Variants in KCNAB2 observed in about 807,000 individuals in gnomAD.
The protein encoded by KCNAB2 is potassium voltage-gated channel subfamily A regulatory beta subunit 2, also known as voltage-gated potassium channel subunit beta-2.
Under a neutral mutation model 63.6 loss-of-function variants are expected in KCNAB2, and 29 were observed. That is an observed-to-expected ratio of 0.46 (90% CI 0.34 to 0.62). The LOEUF is 0.62. Among genes scored for constraint, KCNAB2 ranks in the 20% least tolerant of loss-of-function variants. KCNAB2 has a pLI of 0.01. For missense variants in KCNAB2, 359 were observed against 563.9 expected (o/e 0.64, Z 3.68); for synonymous variants, 222 against 224.2 (o/e 0.99, Z 0.09).
rs920344267 is a variant in KCNAB2 at position 6,087,585 on chromosome 1, A to C, written c.470+74A>C. 1.3e-6 allele frequency: 2 copies of C among 1,507,228 alleles called. No homozygotes were observed. Among genetic ancestry groups the C allele is most frequent in the Admixed American group, 3.4e-5 (2 of 59,692 alleles). The allele number at this position is 1,507,228 out of a possible 1,614,324, so 93.4% of individuals were successfully genotyped here. ...GCCCCGTGCTCCCCAGAGACCCCTG[A>C]CCTAGAAGGCTCCTGGGGTGGCGGG... On this transcript the variant is annotated intron_variant, in intron 7 of 15. Transcript: ENST00000378083. The surrounding 1 kb of genome is among the most constrained non-coding windows in gnomAD (Gnocchi z 6.4).
rs1313330316 is a variant in KCNAB2 at position 6,074,632 on chromosome 1, C to T, written c.300+862C>T. 2.6e-5 allele frequency among the ~76,000 whole-genome samples: 4 copies of T among 152,198 alleles called. No homozygotes were observed. Among genetic ancestry groups the T allele is most frequent in the African/African-American group, 7.2e-5 (3 of 41,444 alleles). ...CTTTGCTTCTATCAAAATTTAAATG[C>T]GTACAGTTTGTGTTTGAGGTCACTT... is the stretch of plus-strand genomic sequence containing the variant. On this transcript the variant is annotated intron_variant, in intron 4 of 15. Transcript: ENST00000378083. The surrounding 1 kb of genome is among the most constrained non-coding windows in gnomAD (Gnocchi z 4.9).
chr1:6,096,850 T>C lies in KCNAB2; in HGVS notation c.1069+94T>C. On this transcript the variant is annotated intron_variant, in intron 14 of 15. Coordinates refer to ENST00000378083, the MANE Select transcript of KCNAB2 (RefSeq NM_001199862.2). This position sits in a 1 kb window ranked among gnomAD's most constrained non-coding sequence, Gnocchi z 5.9. ...GGGTGGGGTTGCCATGGGGCCAGTG[T>C]CTCCGGGGAGAGAGGGAAGGGATCC... is the stretch of plus-strand genomic sequence containing the variant. 1 of 1,411,034 alleles carries C rather than the reference T, an allele frequency of 7.1e-7. No homozygotes were observed. The highest frequency in any genetic ancestry group is 1.5e-5 in the South Asian group (1 of 68,958). 87.4% of individuals were successfully genotyped at this position (1,411,034 alleles called of 1,614,324 possible). A position where few individuals can be genotyped will look rare whatever the true frequency, so the allele number is the denominator to read the frequency against.
Position 6,097,268 on chromosome 1 carries a change from G to A in KCNAB2, c.1070-1G>A. The A allele has an allele frequency of 6.5e-7, 1 of 1,544,082 alleles. No individual in the cohort carries two copies. Among genetic ancestry groups the A allele is most frequent in the Non-Finnish European group, 8.8e-7 (1 of 1,142,150 alleles). On this transcript the variant is annotated splice_acceptor_variant, in intron 14 of 15. Coordinates refer to ENST00000378083, the MANE Select transcript of KCNAB2 (RefSeq NM_001199862.2). LOFTEE classifies it high-confidence loss of function. ...CCTCACCTTGGGTCTCGCCGCCACAGCCTGGTGCCTGAGGAATGAGGGAGT... is the reference window on the plus strand; with the variant it reads ...CCTCACCTTGGGTCTCGCCGCCACAACCTGGTGCCTGAGGAATGAGGGAGT...
At chr1:6,058,648 T>C (rs934027856) in intron 2 of KCNAB2, among the ~76,000 whole-genome samples, 6 of 152,228 alleles carry the variant, frequency 3.9e-5, no homozygotes, top group Admixed American at 3.9e-4. Flanking sequence ...CTGTCCCCTG[T>C]CTATCCATCT....
intron 1 of KCNAB2, among the ~76,000 whole-genome samples, chr1:6,047,052 G>A (rs1036697365): frequency 1.3e-5 from 2 of 152,230 alleles, no homozygotes; most frequent in Non-Finnish European, 2.9e-5. Context: ...AGAACTTGTG[G>A]GTTCCACGTA....
In KCNAB2 at chr1:6,096,337, A is replaced by C. The variant is rs973599261; in HGVS notation, c.949-299A>C. The C allele has an allele frequency of 1.3e-5, 6 of 465,222 alleles. No homozygotes were observed. The highest frequency in any genetic ancestry group is 1.2e-4 in the African/African-American group (6 of 50,442). The allele number at this position is 465,222 out of a possible 1,614,324, so 28.8% of individuals were successfully genotyped here. ...AGACCCCAGGCTGCCAAGTTTCCTAAGAGAAGGAAGGCCAGCACCTCGCCT... is the reference window on the plus strand; with the variant it reads ...AGACCCCAGGCTGCCAAGTTTCCTACGAGAAGGAAGGCCAGCACCTCGCCT... On this transcript the variant is annotated intron_variant, in intron 13 of 15. Transcript: ENST00000378083. The surrounding 1 kb of genome is among the most constrained non-coding windows in gnomAD (Gnocchi z 5.9).
chr1:6,066,975 C>T (rs1477412650), intron 2 of KCNAB2, among the ~76,000 whole-genome samples: 1 of 152,244 alleles, frequency 6.6e-6, no homozygotes, highest in Non-Finnish European at 1.5e-5. Context: ...CCACTCATGT[C>T]AGGAGCAGGG....
chr1:6,097,237 T>C (rs749435), intron 14 of KCNAB2, 32 bp from the exon 15 acceptor site: 158,217 of 1,515,118 alleles, frequency 0.1, 8,795 homozygotes, highest in East Asian at 0.18. Flanking sequence ...GTGGTGGGTG[T>C]TTCTCCCTCA....
At chr1:5,999,975 C>T (rs1657150781) in intron 1 of KCNAB2, among the ~76,000 whole-genome samples, 1 of 151,066 alleles carries the variant, frequency 6.6e-6, no homozygotes, top group Admixed American at 6.6e-5. Context: ...CTGCCTGCAC[C>T]CCATCCATAT....
At chr1:6,009,049 C>T (rs1657992084) in intron 1 of KCNAB2, among the ~76,000 whole-genome samples, 1 of 152,220 alleles carries the variant, frequency 6.6e-6, no homozygotes, top group Non-Finnish European at 1.5e-5. Context: ...ACAGTCCAAC[C>T]CTTCTCCCCC....
chr1:6,060,156 CCTCTG>C (rs1162315185), intron 2 of KCNAB2, among the ~76,000 whole-genome samples: 2 of 152,220 alleles, frequency 1.3e-5, no homozygotes, highest in African/African-American at 4.8e-5. Context: ...TGCCCTCCTG[CCTCTG>C]CTCTCAGGAG....
At chr1:6,042,315 C>T (rs1338110981), upstream of KCNAB2, among the ~76,000 whole-genome samples, 1 of 152,190 alleles carries the variant, frequency 6.6e-6, no homozygotes, top group Non-Finnish European at 1.5e-5. Flanking sequence ...GCTCCTCAGG[C>T]TCATTGAAGG....
At chr1:6,055,689 G>A (rs1441117063) in intron 2 of KCNAB2, among the ~76,000 whole-genome samples, 2 of 151,844 alleles carry the variant, frequency 1.3e-5, no homozygotes, top group Non-Finnish European at 2.9e-5. Context: ...TGGGCCAGAG[G>A]TTGTTGTTAC....
At position 6,100,081 on chromosome 1, in the gene KCNAB2, C is replaced by G; in HGVS notation, c.*1507C>G. 2 of 1,456,184 alleles carry G rather than the reference C, an allele frequency of 1.4e-6. No individual in the cohort carries two copies. The highest frequency in any genetic ancestry group is 1.8e-6 in the Non-Finnish European group (2 of 1,102,148). The allele number at this position is 1,456,184 out of a possible 1,614,324, so 90.2% of individuals were successfully genotyped here. A position where few individuals can be genotyped will look rare whatever the true frequency, so the allele number is the denominator to read the frequency against. The stretch of plus-strand genomic sequence containing the variant: ...CACCCTCAGTGCAGGCACCTCTGTT[C>G]CCGCTTTGCCCCTGGAGGAGCCACT... On this transcript the variant is annotated 3_prime_UTR_variant, in exon 16 of 16. Transcript: ENST00000378083.
At chr1:6,064,138 C>T (rs1570999737) in intron 2 of KCNAB2, among the ~76,000 whole-genome samples, 1 of 152,336 alleles carries the variant, frequency 6.6e-6, no homozygotes. Flanking sequence ...TTCTGCGTCT[C>T]ACTAGGCCAG....
At chr1:6,097,631 A>T in intron 15 of KCNAB2, 1 of 602,456 alleles carries the variant, frequency 1.7e-6, no homozygotes, top group Non-Finnish European at 2.9e-6. Context: ...GGGGCCAGGG[A>T]CGGTGGCGCT....
Position 6,088,232 on chromosome 1 carries a change from C to CT in KCNAB2, c.470+738dup, listed in dbSNP as rs70981312. 3.3e-3 allele frequency among the ~76,000 whole-genome samples: 393 copies of CT among 119,104 alleles called. 2 individuals are homozygous for CT. Among genetic ancestry groups the CT allele is most frequent in the African/African-American group, 7.7e-3 (237 of 30,816 alleles). 78.1% of individuals were successfully genotyped at this position (119,104 alleles called of 152,430 possible). On this transcript the variant is annotated intron_variant, in intron 7 of 15. Coordinates refer to ENST00000378083, the MANE Select transcript of KCNAB2 (RefSeq NM_001199862.2). ...TAATTTGTCCTTTTTCTCTCTCTCT[C>CT]TTTTTTTTTTTTTTTTTGAGACAGG...
chr1:6,002,989 G>C (rs984565325), intron 1 of KCNAB2, among the ~76,000 whole-genome samples: 1 of 151,408 alleles, frequency 6.6e-6, no homozygotes, highest in East Asian at 1.9e-4. Flanking sequence ...TCTGTGTCCC[G>C]GGTGAGAACA....
chr1:5,993,948 C>T (rs1011887641), intron 1 of KCNAB2, among the ~76,000 whole-genome samples: 1 of 152,112 alleles, frequency 6.6e-6, no homozygotes, highest in East Asian at 1.9e-4. Flanking sequence ...AGCTGGGGAC[C>T]GCCACTGGGG....
Sources: allele counts gnomAD v4.1 joint callset (sites outside exome capture counted in the v4.1 genomes callset), GRCh38; gene constraint gnomAD v4.1.1; non-coding constraint Gnocchi (gnomAD v3.1); transcripts MANE v1.5; gene names NCBI Gene and HGNC (gene_info 2026-07-23, HGNC 2026-07-21).